The following TRPC6 variants were observed in gnomAD, a reference collection of about 807,000 sequenced individuals.
TRPC6 encodes the protein transient receptor potential cation channel subfamily C member 6.
TRPC6 carries 55 observed loss-of-function variants against 90.7 expected under a neutral mutation model. The observed-to-expected ratio is 0.61, with a 90% CI of 0.49 to 0.76. The LOEUF (loss-of-function observed/expected upper bound fraction) is 0.76, where lower values mean the gene tolerates loss of function less well. Among genes scored for constraint, TRPC6 ranks in the 30% least tolerant of loss-of-function variants. TRPC6 has a pLI of 0.00. For missense variants in TRPC6, 989 were observed against 1,122.7 expected (o/e 0.88, Z 1.70); for synonymous variants, 393 against 393.0 (o/e 1.00, Z 0.00).
At chr11:101,491,835 T>TC in intron 2 of TRPC6, 97 bp from the exon 3 acceptor site, 1 of 817,678 alleles carries the variant, frequency 1.2e-6, no homozygotes. Flanking sequence ...AGAGAAACAT[T>TC]CTTTTTTTTT....
At chr11:101,474,768 C>T (rs78688863) in intron 6 of TRPC6, among the ~76,000 whole-genome samples, 2,087 of 152,108 alleles carry the variant, frequency 0.014, 35 homozygotes, top group African/African-American at 0.048. Flanking sequence ...ATATATTTTC[C>T]CCATCCAGGT....
intron 10 of TRPC6, among the ~76,000 whole-genome samples, chr11:101,463,647 T>G (rs1049431503): frequency 2.0e-5 from 3 of 152,228 alleles, no homozygotes; most frequent in African/African-American, 7.2e-5. Context: ...GTGGGATCAG[T>G]GGTGATATCC....
intron 1 of TRPC6, among the ~76,000 whole-genome samples, chr11:101,542,805 T>G (rs1861206745): frequency 6.6e-6 from 1 of 152,116 alleles, no homozygotes; most frequent in South Asian, 2.1e-4. Context: ...CAGATTAAAA[T>G]TCTATGAACT....
chr11:101,485,986 T>G (rs1375983913), intron 4 of TRPC6, among the ~76,000 whole-genome samples: 5 of 152,138 alleles, frequency 3.3e-5, no homozygotes, highest in Non-Finnish European at 7.4e-5. Context: ...GTAACACTAC[T>G]CTTCCTTTAT....
At chr11:101,462,568 A>T (rs977964842) in intron 10 of TRPC6, among the ~76,000 whole-genome samples, 1 of 152,120 alleles carries the variant, frequency 6.6e-6, no homozygotes, top group Non-Finnish European at 1.5e-5. Context: ...TTCTCTTTGT[A>T]GCAATTGTGA....
At chr11:101,478,696 A>T (rs545559990) in intron 5 of TRPC6, among the ~76,000 whole-genome samples, 1 of 152,244 alleles carries the variant, frequency 6.6e-6, no homozygotes, top group East Asian at 1.9e-4. Flanking sequence ...AGGAGACTTC[A>T]CAGGGATCAA....
At chr11:101,580,823 G>C (rs1265570482) in intron 1 of TRPC6, among the ~76,000 whole-genome samples, 1 of 152,086 alleles carries the variant, frequency 6.6e-6, no homozygotes, top group African/African-American at 2.4e-5. Flanking sequence ...TTTCAGAAAT[G>C]ATACACCTCC....
rs1409334784 is a variant in TRPC6, at chr11:101,489,008, G to C, written c.1222C>G (p.Leu408Val). The C allele has an allele frequency of 3.7e-6, 6 of 1,614,060 alleles. No individual in the cohort carries two copies. The highest frequency in any genetic ancestry group is 5.1e-6 in the Non-Finnish European group (6 of 1,180,022). The stretch of plus-strand genomic sequence containing the variant: ...CCAATGGCAACAGCAAGGACCACAA[G>C]GAACTTGACCGCCATTGTCTGCTGT... ...LRQQTMAVKF[L>V]VVLAVAIGLP... The change falls in exon 4 of 13, where the codon CTT becomes GTT. Residue 408 changes from leucine (L) to valine (V), a missense_variant. Physicochemically the swap from Leu to Val is conservative, Grantham distance 32. Around this residue, in one of 4 missense-constraint regions of TRPC6, gnomAD observed 486 missense variants for 591.9 expected, o/e 0.82. Transcript: ENST00000344327.
chr11:101,558,552 G>A (rs916183037), intron 1 of TRPC6, among the ~76,000 whole-genome samples: 3 of 149,916 alleles, frequency 2.0e-5, no homozygotes, highest in Admixed American at 2.0e-4. Flanking sequence ...ATGTATGGTC[G>A]ATTGATTTTT....
In TRPC6 at chr11:101,469,343, A is replaced by G. The variant is rs1591527272; in HGVS notation, c.2484+84T>C. 83 of 703,256 alleles carry G rather than the reference A, an allele frequency of 1.2e-4. No individual in the cohort carries two copies. In the East Asian group the frequency reaches 2.2e-3, roughly 18 times the overall value. 43.6% of individuals were successfully genotyped at this position (703,256 alleles called of 1,614,324 possible). A position where few individuals can be genotyped will look rare whatever the true frequency, so the allele number is the denominator to read the frequency against. On this transcript the variant is annotated intron_variant, in intron 10 of 12. Transcript: ENST00000344327. ...AATGGGTCTGTTCTCTACTTGCTAAAATTGCTTCTGAACATCTGTCCCTTT... is the reference window on the plus strand; with the variant it reads ...AATGGGTCTGTTCTCTACTTGCTAAGATTGCTTCTGAACATCTGTCCCTTT...
intron 10 of TRPC6, among the ~76,000 whole-genome samples, chr11:101,457,251 C>A (rs1217836181): frequency 6.6e-6 from 1 of 152,164 alleles, no homozygotes; most frequent in Admixed American, 6.6e-5. Context: ...AATAAACACT[C>A]TCTCCAATTC....
intron 9 of TRPC6, among the ~76,000 whole-genome samples, chr11:101,470,508 A>G (rs7935581): frequency 0.31 from 46,749 of 152,028 alleles, 9,335 homozygotes; most frequent in African/African-American, 0.57. Flanking sequence ...AATGCTCAGC[A>G]GAGATCTTTG....
At chr11:101,542,895 G>T (rs564367050) in intron 1 of TRPC6, among the ~76,000 whole-genome samples, 52 of 152,154 alleles carry the variant, frequency 3.4e-4, no homozygotes, top group African/African-American at 1.3e-3. Flanking sequence ...AGGTTTCATA[G>T]ATAGGATATT....
At chr11:101,579,776 T>G (rs906836354) in intron 1 of TRPC6, among the ~76,000 whole-genome samples, 1 of 152,166 alleles carries the variant, frequency 6.6e-6, no homozygotes, top group African/African-American at 2.4e-5. Flanking sequence ...ACATTTTTAT[T>G]TAATGGCTTT....
chr11:101,567,222 T>A (rs1240770292), intron 1 of TRPC6, among the ~76,000 whole-genome samples: 1 of 152,076 alleles, frequency 6.6e-6, no homozygotes, highest in Non-Finnish European at 1.5e-5. Flanking sequence ...GGGGGCGGTT[T>A]TATCCTCACA....
At chr11:101,564,442 A>G (rs1669785892) in intron 1 of TRPC6, among the ~76,000 whole-genome samples, 1 of 152,100 alleles carries the variant, frequency 6.6e-6, no homozygotes, top group African/African-American at 2.4e-5. Context: ...CAAACTTATT[A>G]TTTTTATTTC....
intron 1 of TRPC6, among the ~76,000 whole-genome samples, chr11:101,578,972 GT>G (rs927361655): frequency 4.6e-5 from 7 of 151,380 alleles, no homozygotes; most frequent in African/African-American, 4.9e-5. Context: ...TTTAAATGGG[GT>G]TTTTTTTCTG....
At position 101,495,632 on chromosome 11, in the gene TRPC6, T is replaced by C. The variant is rs562220253; in HGVS notation, c.946-3894A>G. ...ATTATTATTATTATTATTATTATTA[T>C]TATCATTGTTTTCATTATTTCACAA... On this transcript the variant is annotated intron_variant, in intron 2 of 12. Coordinates refer to ENST00000344327, the MANE Select transcript of TRPC6 (RefSeq NM_004621.6). 4.1e-5 allele frequency among the ~76,000 whole-genome samples: 6 copies of C among 147,236 alleles called. No individual in the cohort carries two copies. The East Asian group carries it at 1.2e-3, about 29-fold the overall frequency.
chr11:101,502,537 AAACAGAAATGTTG>A (rs1460856288), intron 2 of TRPC6, among the ~76,000 whole-genome samples: 1 of 152,248 alleles, frequency 6.6e-6, no homozygotes, highest in African/African-American at 2.4e-5. Flanking sequence ...ACAGTAAAGG[AAACAGAAATGTTG>A]AAATTAGGCA....
Sources: allele counts gnomAD v4.1 joint callset (sites outside exome capture counted in the v4.1 genomes callset), GRCh38; gene constraint gnomAD v4.1.1; regional missense constraint gnomAD v4.1.1; transcripts MANE v1.5; gene names NCBI Gene and HGNC (gene_info 2026-07-23, HGNC 2026-07-21).